The following BCL2 variants were observed in gnomAD, a reference collection of about 807,000 sequenced individuals.
The protein encoded by BCL2 is apoptosis regulator Bcl-2.
Under a neutral mutation model 14.2 loss-of-function variants are expected in BCL2, and 1 was observed. The ratio of observed to expected loss-of-function variants is 0.07; its 90% CI spans 0.02 to 0.33. The LOEUF is 0.33. Ranked by LOEUF, BCL2 falls within the 10% of genes least tolerant of loss-of-function variation. The probability of loss-of-function intolerance (pLI) is 0.99; values close to 1 mark genes in which losing one functional copy is unlikely to be tolerated. For missense variants in BCL2, 247 were observed against 305.9 expected, an observed-to-expected ratio of 0.81 and a Z score of 1.44; for synonymous variants, 151 against 137.2, an observed-to-expected ratio of 1.10 and a Z score of -0.70.
At chr18:63,289,990 C>T (rs1037699386) in intron 2 of BCL2, among the ~76,000 whole-genome samples, 12 of 152,014 alleles carry the variant, frequency 7.9e-5, no homozygotes, top group Non-Finnish European at 1.2e-4. Context: ...ATGAATTCCC[C>T]TAGGGAAGAG....
chr18:63,244,233 C>T lies in BCL2; in HGVS notation c.585+73849G>A, dbSNP rs572621781. On this transcript the variant is annotated intron_variant, in intron 2 of 2. Transcript: ENST00000333681. ...TCTCTACCAAAAATACAAAAATTAG[C>T]TGGGCGTGGTGGCAGGCACCTGTAA... Among the ~76,000 whole-genome samples the T allele has an allele frequency of 6.6e-5, 10 of 152,294 alleles. No individual in the cohort carries two copies. In the East Asian group the frequency reaches 1.9e-3, roughly 29 times the overall value.
At chr18:63,223,144 G>A (rs1910448861) in intron 2 of BCL2, among the ~76,000 whole-genome samples, 1 of 152,230 alleles carries the variant, frequency 6.6e-6, no homozygotes, top group Non-Finnish European at 1.5e-5. Context: ...GCTCACGCCT[G>A]TAATCCCAGC....
At chr18:63,314,429 T>C (rs1189674549) in intron 2 of BCL2, 2 of 152,240 alleles carry the variant, frequency 1.3e-5, no homozygotes, top group African/African-American at 2.4e-5. Context: ...AGCTGAACTC[T>C]ACCGGGTGTG....
chr18:63,170,486 A>G (rs1385120787), intron 2 of BCL2, among the ~76,000 whole-genome samples: 1 of 152,170 alleles, frequency 6.6e-6, no homozygotes, highest in Non-Finnish European at 1.5e-5. Flanking sequence ...GCTCAGCTAC[A>G]TTACATTTTG....
chr18:63,318,958 AG>A lies in BCL2; in HGVS notation c.-286-7del. ...AGTCTACTTCCTCTGTGATGCTGAA[AG>A]GTTAAAGAAAAAACAAACTAATAAG... On this transcript the variant is annotated splice_region_variant and splice_polypyrimidine_tract_variant and intron_variant, in intron 1 of 2. Coordinates refer to ENST00000333681, the MANE Select transcript of BCL2 (RefSeq NM_000633.3). The surrounding 1 kb of genome is among the most constrained non-coding windows in gnomAD (Gnocchi z 7.4). 1 of 1,297,338 alleles carries A rather than the reference AG, an allele frequency of 7.7e-7. No homozygotes were observed. Among genetic ancestry groups the A allele is most frequent in the Non-Finnish European group, 9.9e-7 (1 of 1,014,546 alleles). The allele number at this position is 1,297,338 out of a possible 1,614,324, so 80.4% of individuals were successfully genotyped here.
chr18:63,214,772 A>G (rs1910152178), intron 2 of BCL2, among the ~76,000 whole-genome samples: 1 of 151,964 alleles, frequency 6.6e-6, no homozygotes, highest in Non-Finnish European at 1.5e-5. Context: ...GTGGAGTGGC[A>G]CGATCTTGGC....
intron 2 of BCL2, among the ~76,000 whole-genome samples, chr18:63,224,749 C>G (rs1210607728): frequency 6.6e-6 from 1 of 152,100 alleles, no homozygotes; most frequent in African/African-American, 2.4e-5. Context: ...GTGAGATACC[C>G]CAGGATGATG....
chr18:63,318,996 G>T lies in BCL2; in HGVS notation c.-286-44C>A, dbSNP rs923875109. ...AACAAACTAATAAGTAAAAAATCAG[G>T]TGCGTTTCCCTGTACACACTGAGTG... On this transcript the variant is annotated intron_variant, in intron 1 of 2. Transcript: ENST00000333681. This position sits in a 1 kb window ranked among gnomAD's most constrained non-coding sequence, Gnocchi z 7.4. 1.0e-4 allele frequency: 124 copies of T among 1,235,442 alleles called. 3 individuals are homozygous for T. The East Asian group carries it at 5.0e-3, about 50-fold the overall frequency. The allele number at this position is 1,235,442 out of a possible 1,614,324, so 76.5% of individuals were successfully genotyped here.
intron 2 of BCL2, among the ~76,000 whole-genome samples, chr18:63,177,345 A>T (rs2144637489): frequency 6.6e-6 from 1 of 152,358 alleles, no homozygotes; most frequent in African/African-American, 2.4e-5. Flanking sequence ...TACAAAATTC[A>T]CTTCTACCAA....
At chr18:63,182,677 A>T (rs955893230) in intron 2 of BCL2, among the ~76,000 whole-genome samples, 6 of 152,214 alleles carry the variant, frequency 3.9e-5, no homozygotes, top group Admixed American at 6.5e-5. Context: ...ACCATAAAAC[A>T]GGCTTCATTG....
chr18:63,278,311 A>G (rs1912214963), intron 2 of BCL2, among the ~76,000 whole-genome samples: 1 of 152,260 alleles, frequency 6.6e-6, no homozygotes, highest in African/African-American at 2.4e-5. Flanking sequence ...GGTGAAGGTC[A>G]TATTCTACAG....
At chr18:63,256,502 C>T (rs915173918) in intron 2 of BCL2, among the ~76,000 whole-genome samples, 3 of 152,184 alleles carry the variant, frequency 2.0e-5, no homozygotes, top group Non-Finnish European at 2.9e-5. Flanking sequence ...CAGGCGTGAG[C>T]CACCATGCCC....
At chr18:63,258,938 A>C (rs1424270416) in intron 2 of BCL2, among the ~76,000 whole-genome samples, 1 of 152,272 alleles carries the variant, frequency 6.6e-6, no homozygotes, top group Non-Finnish European at 1.5e-5. Context: ...ATAAAAATGC[A>C]AAACAATGCC....
intron 2 of BCL2, among the ~76,000 whole-genome samples, chr18:63,140,447 G>A (rs576959585): frequency 1.4e-3 from 212 of 152,294 alleles, no homozygotes; most frequent in Non-Finnish European, 2.7e-3. Flanking sequence ...CCACATAATG[G>A]AATCTTACAA....
intron 2 of BCL2, among the ~76,000 whole-genome samples, chr18:63,227,632 T>A (rs576296876): frequency 2.4e-4 from 37 of 152,232 alleles, no homozygotes; most frequent in Admixed American, 2.0e-4. Context: ...TGAGGCAGAA[T>A]AAGAAGAAAA....
chr18:63,228,729 A>G (rs1300328383), intron 2 of BCL2, among the ~76,000 whole-genome samples: 1 of 141,270 alleles, frequency 7.1e-6, no homozygotes, highest in Non-Finnish European at 1.5e-5. Context: ...TTTTTTTTTG[A>G]GACAGAATCT....
At chr18:63,179,766 G>A (rs1048473962) in intron 2 of BCL2, among the ~76,000 whole-genome samples, 2 of 152,096 alleles carry the variant, frequency 1.3e-5, no homozygotes, top group South Asian at 2.1e-4. Flanking sequence ...TCATTCCTAC[G>A]GTGGGGATGA....
At chr18:63,215,826 T>A (rs577649101) in intron 2 of BCL2, among the ~76,000 whole-genome samples, 105 of 152,332 alleles carry the variant, frequency 6.9e-4, no homozygotes, top group Non-Finnish European at 5.4e-4. Flanking sequence ...AGATTTTTTT[T>A]AATAAGGTGA....
intron 2 of BCL2, among the ~76,000 whole-genome samples, chr18:63,272,504 C>T (rs993414077): frequency 6.6e-6 from 1 of 151,906 alleles, no homozygotes; most frequent in African/African-American, 2.4e-5. Context: ...TCTTGCTCTC[C>T]ATGTAAAAAA....
Sources: gnomAD v4.1 joint callset for allele counts (sites outside exome capture counted in the v4.1 genomes callset) on GRCh38, gnomAD v4.1.1 for gene constraint, Gnocchi (gnomAD v3.1) non-coding constraint, MANE v1.5 for transcripts, NCBI Gene and HGNC (gene_info 2026-07-23, HGNC 2026-07-21) for gene names.